Variants in CCDC34 observed in about 807,000 individuals in gnomAD.
CCDC34 encodes the protein coiled-coil domain containing 34, also known as coiled-coil domain-containing protein 34.
A neutral mutation model predicts 44.1 loss-of-function variants in CCDC34; 40 were observed. That is an observed-to-expected ratio of 0.91 (90% CI 0.70 to 1.18). The LOEUF is 1.18. Among genes scored for constraint, CCDC34 ranks in the 50% most tolerant of loss-of-function variants. The pLI is 0.00. For synonymous variants in CCDC34, 159 were observed against 158.2 expected, an observed-to-expected ratio of 1.01 and a Z score of -0.04; for missense variants, 466 against 452.3, an observed-to-expected ratio of 1.03 and a Z score of -0.28.
chr11:27,346,803 A>C (rs536938268), intron 3 of CCDC34, among the ~76,000 whole-genome samples: 1 of 152,170 alleles, frequency 6.6e-6, no homozygotes, highest in Admixed American at 6.5e-5. Context: ...TGGAGATTGC[A>C]TCTTTAAAGA....
intron 3 of CCDC34, chr11:27,350,049 A>T: frequency 2.4e-6 from 3 of 1,261,578 alleles, no homozygotes; most frequent in Non-Finnish European, 3.0e-6. Flanking sequence ...ACTTGGAGGC[A>T]CTTGCCATAA....
intron 1 of CCDC34, among the ~76,000 whole-genome samples, chr11:27,357,930 G>A (rs918672153): frequency 1.3e-5 from 2 of 151,950 alleles, no homozygotes; most frequent in Admixed American, 6.5e-5. Context: ...TCCCTTTCCC[G>A]CCCTTAAGTA....
At chr11:27,349,671 TATTAAA>T in intron 3 of CCDC34, 1 of 983,122 alleles carries the variant, frequency 1.0e-6, no homozygotes, top group Non-Finnish European at 1.2e-6. Flanking sequence ...TAGAAGAATA[TATTAAA>T]ATTAAAAGGA....
chr11:27,340,669 T>G (rs1862342187), intron 5 of CCDC34, 27 bp downstream of exon 5: 1 of 1,583,424 alleles, frequency 6.3e-7, no homozygotes. Flanking sequence ...ACCATATTTA[T>G]GTAAGCCACA....
chr11:27,357,591 C>T (rs764789367), intron 1 of CCDC34, 50 bp from the exon 2 acceptor site: 1 of 1,576,182 alleles, frequency 6.3e-7, no homozygotes, highest in Non-Finnish European at 8.6e-7. Flanking sequence ...TCTTTTGCTT[C>T]CTAGTCCAAA....
chr11:27,338,827 T>G lies in CCDC34; in HGVS notation c.1116A>C (p.Gln372His). The G allele has an allele frequency of 6.2e-7, 1 of 1,610,902 alleles. No homozygotes were observed. The highest frequency in any genetic ancestry group is 8.5e-7 in the Non-Finnish European group (1 of 1,178,030). Reference sequence around the variant, plus strand: ...ATGTTATTTTCCACATACGCTATCTTTGTATTCTGCACAGAGTTCCAAGGC... The same window carrying G: ...ATGTTATTTTCCACATACGCTATCTGTGTATTCTGCACAGAGTTCCAAGGC... ...NLCLGTLCRI[Q>H]R The change falls in exon 6 of 6, where the codon CAA (glutamine) becomes CAC (histidine). Residue 372 changes from glutamine to histidine, a missense_variant. By Grantham distance (24) the Gln-to-His change is conservative (BLOSUM62 0). Transcript: ENST00000328697.
At chr11:27,339,606 G>T (rs576756073) in intron 5 of CCDC34, among the ~76,000 whole-genome samples, 1 of 152,058 alleles carries the variant, frequency 6.6e-6, no homozygotes, top group Non-Finnish European at 1.5e-5. Context: ...TGTGATGTCT[G>T]CCATCTAATA....
intron 2 of CCDC34, among the ~76,000 whole-genome samples, chr11:27,353,310 T>C (rs1862529217): frequency 6.7e-6 from 1 of 149,814 alleles, no homozygotes; most frequent in Admixed American, 6.6e-5. Context: ...AAAGGCAAGA[T>C]GGTTAAAAAA....
At position 27,340,793 on chromosome 11, in the gene CCDC34, T is replaced by C; in HGVS notation, c.810A>G (p.Glu270=). Residue 270 remains glutamate, a synonymous_variant, in exon 5 of 6, where the codon GAA becomes GAG. Coordinates refer to ENST00000328697, the MANE Select transcript of CCDC34 (RefSeq NM_030771.2). ...ATTCTTGAAACTTTTTTTCTGCTAT[T>C]TCCTTTTTCTCCTGTATTTCAGCTT... ...QQQAEIQEKK[E]IAEKKFQEWL... 6.2e-7 allele frequency: 1 copy of C among 1,613,768 alleles called. No individual in the cohort carries two copies. The highest frequency in any genetic ancestry group is 1.7e-5 in the Admixed American group (1 of 60,000).
At chr11:27,349,511 ATAT>A in intron 3 of CCDC34, 1 of 912,516 alleles carries the variant, frequency 1.1e-6, no homozygotes, top group Non-Finnish European at 1.3e-6. Context: ...AAAATTTAAA[ATAT>A]TGTCCTACAA....
intron 2 of CCDC34, among the ~76,000 whole-genome samples, chr11:27,352,143 G>A (rs913973199): frequency 1.3e-5 from 2 of 152,162 alleles, no homozygotes; most frequent in Admixed American, 6.5e-5. Context: ...AGCACTTTGG[G>A]AAGCTGAAGC....
At chr11:27,356,382 A>G (rs1157118397) in intron 2 of CCDC34, among the ~76,000 whole-genome samples, 4 of 152,234 alleles carry the variant, frequency 2.6e-5, no homozygotes, top group Admixed American at 1.3e-4. Flanking sequence ...AGTGAAACAG[A>G]TAACTATATT....
chr11:27,338,991 GATTATA>G lies in CCDC34; in HGVS notation c.946_951del (p.Tyr316_Asn317del), dbSNP rs758662563. The G allele has an allele frequency of 6.2e-7, 1 of 1,613,450 alleles. No homozygotes were observed. Among genetic ancestry groups the G allele is most frequent in the Non-Finnish European group, 8.5e-7 (1 of 1,179,778 alleles). On this transcript the variant is annotated inframe_deletion, in exon 6 of 6. Transcript: ENST00000328697. ...ATATGAATTGGTTTCCACGGAATTG[GATTATA>G]AAAGGCTGGTTCTGGATAGGAATTT...
chr11:27,350,317 T>C lies in CCDC34; in HGVS notation c.606+15A>G, dbSNP rs372057780. 4.3e-6 allele frequency: 7 copies of C among 1,613,588 alleles called. No individual in the cohort carries two copies. The highest frequency in any genetic ancestry group is 4.0e-5 in the African/African-American group (3 of 74,928). On this transcript the variant is annotated intron_variant, in intron 3 of 5. Coordinates refer to ENST00000328697, the MANE Select transcript of CCDC34 (RefSeq NM_030771.2). The stretch of plus-strand genomic sequence containing the variant: ...AAAGAGATGTCAATGTGTGTATCCA[T>C]TTTCCCCTCCTTACTTGCTCATTCT...
chr11:27,348,818 AAAAG>A (rs1304391657), intron 3 of CCDC34: 1 of 937,336 alleles, frequency 1.1e-6, no homozygotes, highest in Non-Finnish European at 1.3e-6. Flanking sequence ...AAAAAAAAAA[AAAAG>A]AATAATCAAT....
rs1296622098 is a variant in CCDC34 at position 27,357,572 on chromosome 11, A to G, written c.360-31T>C. ...AAAGAGAGGCTACTATAGTACTTGT[A>G]CAAGAACCTCTTTTGCTTCCTAGTC... On this transcript the variant is annotated intron_variant, in intron 1 of 5. Transcript: ENST00000328697. 2.5e-6 allele frequency: 4 copies of G among 1,598,788 alleles called. No homozygotes were observed. In the South Asian group the frequency reaches 4.5e-5, roughly 18 times the overall value.
intron 3 of CCDC34, 119 bp from the exon 4 acceptor site, chr11:27,341,669 C>T: frequency 1.9e-6 from 1 of 530,540 alleles, no homozygotes; most frequent in Non-Finnish European, 3.2e-6. Context: ...GACATGATAT[C>T]ATGGCAGTTG....
intron 3 of CCDC34, among the ~76,000 whole-genome samples, chr11:27,345,627 A>G (rs1412060795): frequency 8.5e-5 from 13 of 152,052 alleles, no homozygotes; most frequent in African/African-American, 2.2e-4. Context: ...ATCATTTTTT[A>G]TGGCTGCATA....
chr11:27,356,263 G>C (rs907240393), intron 2 of CCDC34, among the ~76,000 whole-genome samples: 10 of 151,676 alleles, frequency 6.6e-5, no homozygotes, highest in Non-Finnish European at 1.3e-4. Flanking sequence ...TGATCCACCT[G>C]CCTCGGCCTC....
Sources: allele counts gnomAD v4.1 joint callset (sites outside exome capture counted in the v4.1 genomes callset), GRCh38; gene constraint gnomAD v4.1.1; transcripts MANE v1.5; gene names NCBI Gene and HGNC (gene_info 2026-07-23, HGNC 2026-07-21).